Variants in TLR6 observed in about 807,000 individuals in gnomAD.
The protein encoded by TLR6 is toll like receptor 6.
Under a neutral mutation model 16.1 loss-of-function variants are expected in TLR6, and 9 were observed. The ratio of observed to expected loss-of-function variants is 0.56; its 90% confidence interval spans 0.34 to 0.98. The LOEUF (loss-of-function observed/expected upper bound fraction) is 0.98, where lower values mean the gene tolerates loss of function less well. TLR6 is among the 50% of genes least tolerant of loss of function. The probability of loss-of-function intolerance (pLI) is 0.02; values close to 1 mark genes in which losing one functional copy is unlikely to be tolerated. For synonymous variants in TLR6, 340 were observed against 338.6 expected (o/e 1.00, Z -0.04); for missense variants, 786 against 921.0 (o/e 0.85, Z 1.90).
At chr4:38,826,226 T>C (rs1727541030) in exon 2 of TLR6, 1 of 152,284 alleles carries the variant, frequency 6.6e-6, no homozygotes, top group Admixed American at 6.5e-5. Context: ...TTAATGACTC[T>C]TTAATCACGC....
chr4:38,832,250 G>C (rs1711647354), intron 1 of TLR6, among the ~76,000 whole-genome samples: 1 of 152,128 alleles, frequency 6.6e-6, no homozygotes, highest in South Asian at 2.1e-4. Flanking sequence ...CCAAAACAGT[G>C]AGCAGATAAT....
At position 38,831,203 on chromosome 4, in the gene TLR6, A is replaced by G. The variant is rs1196958089; in HGVS notation, c.-64-1666T>C. Among the ~76,000 whole-genome samples, 3 of 151,994 alleles carry G rather than the reference A, an allele frequency of 2.0e-5. No homozygotes were observed. The East Asian group carries it at 5.8e-4, about 29-fold the overall frequency. On this transcript the variant is annotated intron_variant, in intron 1 of 1. Transcript: ENST00000436693. ...AAATAGACCCACAAAAAAATAATCA[A>G]CTGCTGTTTGACAAACGAGCAAAGG... is the stretch of plus-strand genomic sequence containing the variant.
intron 1 of TLR6, among the ~76,000 whole-genome samples, chr4:38,842,437 T>TTTGTGCC: frequency 6.6e-6 from 1 of 152,330 alleles, no homozygotes; most frequent in African/African-American, 2.4e-5. Flanking sequence ...AAAGTGGTCA[T>TTTGTGCC]TTGTGCCTTG....
At chr4:38,832,168 A>G (rs1446962835) in intron 1 of TLR6, among the ~76,000 whole-genome samples, 2 of 152,250 alleles carry the variant, frequency 1.3e-5, no homozygotes, top group Non-Finnish European at 2.9e-5. Context: ...TGAACAATTA[A>G]AAAATGAGCC....
At chr4:38,840,121 A>G (rs1712178972) in intron 1 of TLR6, among the ~76,000 whole-genome samples, 1 of 152,214 alleles carries the variant, frequency 6.6e-6, no homozygotes, top group Admixed American at 6.5e-5. Context: ...GTTTTCTTCC[A>G]TTCAGCCCAA....
At chr4:38,844,173 C>T (rs1007312801) in intron 1 of TLR6, among the ~76,000 whole-genome samples, 4 of 152,122 alleles carry the variant, frequency 2.6e-5, no homozygotes, top group East Asian at 1.9e-4. Flanking sequence ...GGGAGCACAC[C>T]GCATTCTGAG....
At chr4:38,867,704 T>C in the TLR6 span, 4 of 151,040 alleles carry the variant, frequency 2.6e-5, no homozygotes, top group Non-Finnish European at 5.9e-5. Context: ...GCGCTCCTCG[T>C]GGGGCGGGGC....
chr4:38,850,763 A>G (rs540011884), intron 1 of TLR6, among the ~76,000 whole-genome samples: 1 of 152,340 alleles, frequency 6.6e-6, no homozygotes, highest in South Asian at 2.1e-4. Context: ...AAAAAAGTCC[A>G]GGACCAGACG....
At chr4:38,861,214 A>G (rs1170185644), upstream of TLR6, among the ~76,000 whole-genome samples, 3 of 151,778 alleles carry the variant, frequency 2.0e-5, no homozygotes, top group Non-Finnish European at 2.9e-5. Flanking sequence ...CACTATTTCA[A>G]TCCGATACCA....
At chr4:38,828,731 C>A (rs776197187) in exon 2 of TLR6, 289 of 1,613,814 alleles carry the variant, frequency 1.8e-4, no homozygotes, top group Non-Finnish European at 2.3e-4. Context: ...TAAGGTTGAA[C>A]CTCTGGTGAG....
the TLR6 span, among the ~76,000 whole-genome samples, chr4:38,866,846 G>A: frequency 2.0e-5 from 3 of 152,172 alleles, no homozygotes; most frequent in South Asian, 2.1e-4. Flanking sequence ...GAGAGACTAG[G>A]GCTATTTTTT....
chr4:38,831,481 A>C (rs533326654), intron 1 of TLR6, among the ~76,000 whole-genome samples: 4 of 152,208 alleles, frequency 2.6e-5, no homozygotes, highest in Admixed American at 6.5e-5. Flanking sequence ...CGCATCAAAA[A>C]CATAATCCAA....
At chr4:38,846,077 G>A (rs1379394773) in intron 1 of TLR6, among the ~76,000 whole-genome samples, 2 of 131,530 alleles carry the variant, frequency 1.5e-5, no homozygotes, top group Admixed American at 1.6e-4. Context: ...GGGCCACAGA[G>A]CGAGACATCT....
intron 1 of TLR6, among the ~76,000 whole-genome samples, chr4:38,832,600 A>G (rs1229145097): frequency 6.6e-6 from 1 of 152,038 alleles, no homozygotes; most frequent in African/African-American, 2.4e-5. Flanking sequence ...CTTCAGCATA[A>G]GGCTCTTTTA....
At chr4:38,856,903 G>A (rs1713014554), upstream of TLR6, 2 of 152,204 alleles carry the variant, frequency 1.3e-5, no homozygotes, top group East Asian at 3.8e-4. Context: ...GCCCACACTG[G>A]AATTACTCCT....
intron 1 of TLR6, among the ~76,000 whole-genome samples, chr4:38,856,375 C>T (rs1354814478): frequency 6.6e-6 from 1 of 152,112 alleles, no homozygotes; most frequent in Admixed American, 6.5e-5. Context: ...GCTGTAAAAA[C>T]ATATAATAAA....
intron 1 of TLR6, among the ~76,000 whole-genome samples, chr4:38,841,393 C>T (rs151135045): frequency 3.7e-3 from 567 of 152,188 alleles, no homozygotes; most frequent in African/African-American, 9.9e-3. Flanking sequence ...GGGTTTGAGA[C>T]CAACCCGGGC....
chr4:38,855,673 G>A (rs2109477088), intron 1 of TLR6, among the ~76,000 whole-genome samples: 1 of 152,244 alleles, frequency 6.6e-6, no homozygotes, highest in South Asian at 2.1e-4. Flanking sequence ...TGGAAAAGCT[G>A]GTCAGCTGTC....
intron 1 of TLR6, among the ~76,000 whole-genome samples, chr4:38,850,659 A>T (rs759682641): frequency 2.0e-5 from 3 of 152,154 alleles, no homozygotes; most frequent in Non-Finnish European, 2.9e-5. Context: ...CGACACCTAC[A>T]CTCTCCCAAG....
Sources: gnomAD v4.1 joint callset for allele counts (sites outside exome capture counted in the v4.1 genomes callset) on GRCh38, gnomAD v4.1.1 for gene constraint, MANE v1.5 for transcripts, NCBI Gene and HGNC (gene_info 2026-07-23, HGNC 2026-07-21) for gene names.